The following RXFP2 variants were observed in gnomAD, a reference collection of about 807,000 sequenced individuals.
RXFP2 encodes the protein relaxin receptor 2.
RXFP2 carries 68 observed loss-of-function variants against 88.6 expected under a neutral mutation model. The observed-to-expected ratio is 0.77, with a 90% confidence interval of 0.63 to 0.94. The LOEUF is 0.94. Ranked by LOEUF, RXFP2 falls within the 40% of genes least tolerant of loss-of-function variation. The probability of loss-of-function intolerance (pLI) is 0.00; values close to 1 mark genes in which losing one functional copy is unlikely to be tolerated. For synonymous variants in RXFP2, 329 were observed against 306.8 expected, an observed-to-expected ratio of 1.07 and a Z score of -0.76; for missense variants, 791 against 893.9, an observed-to-expected ratio of 0.88 and a Z score of 1.47.
At position 31,802,646 on chromosome 13, in the gene RXFP2, G is replaced by C; in HGVS notation, c.*241G>C. The C allele has an allele frequency of 1.9e-6, 1 of 514,838 alleles. No homozygotes were observed. Among genetic ancestry groups the C allele is most frequent in the Admixed American group, 3.2e-5 (1 of 31,056 alleles). 31.9% of individuals were successfully genotyped at this position (514,838 alleles called of 1,614,324 possible). A position where few individuals can be genotyped will look rare whatever the true frequency, so the allele number is the denominator to read the frequency against. On this transcript the variant is annotated 3_prime_UTR_variant, in exon 18 of 18. Coordinates refer to ENST00000298386, the MANE Select transcript of RXFP2 (RefSeq NM_130806.5). ...ATGCCTGAAAAGCACATGTGAATTC[G>C]TGTATAGTGGGCTGAGGTGCAGCTG... is the stretch of plus-strand genomic sequence containing the variant.
At chr13:31,774,507 T>A in intron 5 of RXFP2, 113 bp from the exon 6 acceptor site, 1 of 734,022 alleles carries the variant, frequency 1.4e-6, no homozygotes, top group Non-Finnish European at 2.5e-6. Context: ...GAATAGGACT[T>A]CGTACTTCAA....
chr13:31,789,386 CTT>C (rs1163588794), intron 14 of RXFP2, among the ~76,000 whole-genome samples, 193 bp downstream of exon 14: 2 of 152,172 alleles, frequency 1.3e-5, no homozygotes, highest in African/African-American at 4.8e-5. Flanking sequence ...ATGAATGACC[CTT>C]CTCTCTGGAA....
intron 14 of RXFP2, among the ~76,000 whole-genome samples, chr13:31,790,907 T>C (rs900490543): frequency 6.6e-6 from 1 of 151,986 alleles, no homozygotes; most frequent in African/African-American, 2.4e-5. Context: ...TCTGAGGGTG[T>C]GTGTCTGGGT....
rs7982635 is a variant in RXFP2 at position 31,776,093 on chromosome 13, T to C, written c.641+704T>C. On this transcript the variant is annotated intron_variant, in intron 7 of 17. Transcript: ENST00000298386. ...CTTTCTTTCTTTCCTTCCTTCTTTCTTTCTTTTCTTTTCTTTCTTTCTTTC... is the reference window on the plus strand; with the variant it reads ...CTTTCTTTCTTTCCTTCCTTCTTTCCTTCTTTTCTTTTCTTTCTTTCTTTC... Among the ~76,000 whole-genome samples, 3 of 57,696 alleles carry C rather than the reference T, an allele frequency of 5.2e-5. No homozygotes were observed. In the South Asian group the frequency reaches 1.7e-3, roughly 33 times the overall value. The allele number at this position is 57,696 out of a possible 152,430, so 37.9% of individuals were successfully genotyped here. A position where few individuals can be genotyped will look rare whatever the true frequency, so the allele number is the denominator to read the frequency against.
chr13:31,761,407 C>A (rs970545361), intron 2 of RXFP2, among the ~76,000 whole-genome samples: 10 of 152,044 alleles, frequency 6.6e-5, no homozygotes, highest in Admixed American at 1.3e-4. Context: ...TTCAGAGGTC[C>A]TCAAAATTAA....
At chr13:31,772,277 A>G (rs1872762130) in intron 5 of RXFP2, among the ~76,000 whole-genome samples, 1 of 152,204 alleles carries the variant, frequency 6.6e-6, no homozygotes, top group Admixed American at 6.5e-5. Flanking sequence ...CAATCACTGG[A>G]AACAAAACGA....
rs920660401 is a variant in RXFP2, at chr13:31,777,384, A to G, written c.650A>G (p.Asp217Gly). 1.4e-5 allele frequency: 23 copies of G among 1,609,770 alleles called. No individual in the cohort carries two copies. The highest frequency in any genetic ancestry group is 2.0e-5 in the Non-Finnish European group (23 of 1,176,586). Residue 217 changes from aspartate (D) to glycine (G), a missense_variant, in exon 8 of 18, where the codon GAT (aspartate) becomes GGT (glycine). Asp to Gly is a moderately conservative substitution (Grantham distance 94). Coordinates refer to ENST00000298386, the MANE Select transcript of RXFP2 (RefSeq NM_130806.5). ...TTGATACATTTTGTCAGAATTCTAGATGACAATCCAATAACCAGAATTTCA... is the reference window on the plus strand; with the variant it reads ...TTGATACATTTTGTCAGAATTCTAGGTGACAATCCAATAACCAGAATTTCA... ...DLHQLTWLIL[D>G]DNPITRISQR...
At chr13:31,747,213 T>C (rs922535056) in intron 1 of RXFP2, among the ~76,000 whole-genome samples, 3 of 152,304 alleles carry the variant, frequency 2.0e-5, no homozygotes, top group African/African-American at 7.2e-5. Context: ...AAATTACCTG[T>C]GCTGTGACCC....
chr13:31,739,747 C>A, intron 1 of RXFP2, 41 bp downstream of exon 1: 1 of 1,204,726 alleles, frequency 8.3e-7, no homozygotes, highest in Non-Finnish European at 1.2e-6. Context: ...GTGCAATTCC[C>A]AAAAAATACA....
At chr13:31,774,991 TCTA>T (rs1398959481) in intron 6 of RXFP2, among the ~76,000 whole-genome samples, 2 of 152,208 alleles carry the variant, frequency 1.3e-5, no homozygotes, top group African/African-American at 2.4e-5. Context: ...AAAATGCTAG[TCTA>T]CTAAGGATGT....
At chr13:31,747,579 C>T (rs187093999) in intron 1 of RXFP2, among the ~76,000 whole-genome samples, 7 of 152,156 alleles carry the variant, frequency 4.6e-5, no homozygotes, top group Admixed American at 2.6e-4. Flanking sequence ...CTTACAGAAA[C>T]GGCATTGCTA....
Position 31,795,800 on chromosome 13 carries a change from G to A in RXFP2, c.1787-1401G>A, listed in dbSNP as rs147953839. ...TGAGATGATCACTCAGGATTTTAGC[G>A]ACAGCAAGAATAAAGCAAAGAGTGA... On this transcript the variant is annotated intron_variant, in intron 16 of 17. Transcript: ENST00000298386. 1.9e-3 allele frequency among the ~76,000 whole-genome samples: 295 copies of A among 152,106 alleles called. 1 individual carries two copies. The highest frequency in any genetic ancestry group is 6.6e-3 in the African/African-American group (273 of 41,506).
chr13:31,790,253 G>A (rs1008870016), intron 14 of RXFP2, among the ~76,000 whole-genome samples: 1 of 152,096 alleles, frequency 6.6e-6, no homozygotes, highest in African/African-American at 2.4e-5. Flanking sequence ...CGAGTAGTGT[G>A]GTCACAGCGC....
chr13:31,766,115 T>C, intron 5 of RXFP2, 88 bp downstream of exon 5: 2 of 733,368 alleles, frequency 2.7e-6, no homozygotes, highest in Non-Finnish European at 4.9e-6. Context: ...ATATTGTTTG[T>C]TATCTTTATC....
chr13:31,763,361 G>T (rs765078396), intron 3 of RXFP2, among the ~76,000 whole-genome samples: 2 of 152,014 alleles, frequency 1.3e-5, no homozygotes, highest in African/African-American at 4.8e-5. Context: ...TTGGGATTAC[G>T]GGTGTGAGCC....
chr13:31,758,458 A>ACTGTGGGT, intron 2 of RXFP2, 54 bp downstream of exon 2: 3 of 1,590,516 alleles, frequency 1.9e-6, no homozygotes, highest in Non-Finnish European at 2.6e-6. Context: ...ACACCCCAAA[A>ACTGTGGGT]CTGTGGGTCG....
At chr13:31,799,934 G>A (rs1474256491) in intron 17 of RXFP2, among the ~76,000 whole-genome samples, 1 of 152,142 alleles carries the variant, frequency 6.6e-6, no homozygotes, top group East Asian at 1.9e-4. Context: ...CGACACCTCA[G>A]ATCATGATAA....
In RXFP2 at chr13:31,743,402, A is replaced by G. The variant is rs1394754987; in HGVS notation, c.94+3696A>G. ...AAGATTGCTTGAACCTGAGAGGCGG[A>G]GGTTGCAGTGAGCCGAGACTGCGCC... On this transcript the variant is annotated intron_variant, in intron 1 of 17. Coordinates refer to ENST00000298386, the MANE Select transcript of RXFP2 (RefSeq NM_130806.5). Among the ~76,000 whole-genome samples the G allele has an allele frequency of 2.0e-5, 3 of 152,056 alleles. No individual in the cohort carries two copies. The East Asian group carries it at 5.8e-4, about 29-fold the overall frequency.
chr13:31,787,264 A>T lies in RXFP2; in HGVS notation c.1073+627A>T, dbSNP rs148520609. ...ACTACGCTGCCTGACTGCAGCCTAA[A>T]GCATTTCCTCCTTTAATTCCAAAGA... On this transcript the variant is annotated intron_variant, in intron 13 of 17. Coordinates refer to ENST00000298386, the MANE Select transcript of RXFP2 (RefSeq NM_130806.5). Among the ~76,000 whole-genome samples, 351 of 152,328 alleles carry T rather than the reference A, an allele frequency of 2.3e-3. 3 individuals are homozygous for T. The highest frequency in any genetic ancestry group is 0.014 in the Middle Eastern group (4 of 294).
Sources: allele counts gnomAD v4.1 joint callset (sites outside exome capture counted in the v4.1 genomes callset), GRCh38; gene constraint gnomAD v4.1.1; transcripts MANE v1.5; gene names NCBI Gene and HGNC (gene_info 2026-07-23, HGNC 2026-07-21).